Variants in ITSN1 observed in about 807,000 individuals in gnomAD.
The protein encoded by ITSN1 is intersectin 1, also known as intersectin-1.
ITSN1 carries 58 observed loss-of-function variants against 239.8 expected under a neutral mutation model. The ratio of observed to expected loss-of-function variants is 0.24; its 90% CI spans 0.20 to 0.30. ITSN1 has a LOEUF of 0.30. Ranked by LOEUF, ITSN1 falls within the 10% of genes least tolerant of loss-of-function variation. The probability of loss-of-function intolerance (pLI) is 1.00; values close to 1 mark genes in which losing one functional copy is unlikely to be tolerated. For synonymous variants in ITSN1, 780 were observed against 770.8 expected, an observed-to-expected ratio of 1.01 and a Z score of -0.20; for missense variants, 1,558 against 2,103.3, an observed-to-expected ratio of 0.74 and a Z score of 5.07.
Position 33,898,675 on chromosome 21 carries a change from G to C in ITSN1, c.*10375G>C, listed in dbSNP as rs926535425. On this transcript the variant is annotated 3_prime_UTR_variant, in exon 40 of 40. Coordinates refer to ENST00000381318, the MANE Select transcript of ITSN1 (RefSeq NM_003024.3). The stretch of plus-strand genomic sequence containing the variant: ...TGGTGATCTGAATGCATTGTGTTTG[G>C]GGGTGACACCGCTGGTGGAAGGTTG... 2 of 152,260 alleles carry C rather than the reference G, an allele frequency of 1.3e-5. No individual in the cohort carries two copies. Among genetic ancestry groups the C allele is most frequent in the African/African-American group, 4.8e-5 (2 of 41,468 alleles). The allele number at this position is 152,260 out of a possible 1,614,324, so 9.4% of individuals were successfully genotyped here.
chr21:33,796,427 A>G (rs2071566242), intron 17 of ITSN1, among the ~76,000 whole-genome samples: 1 of 152,260 alleles, frequency 6.6e-6, no homozygotes, highest in African/African-American at 2.4e-5. Context: ...TCACATTCAT[A>G]CAGAGTAGAA....
intron 29 of ITSN1, among the ~76,000 whole-genome samples, chr21:33,855,844 T>A (rs9305534): frequency 6.6e-6 from 1 of 152,108 alleles, no homozygotes; most frequent in Non-Finnish European, 1.5e-5. Flanking sequence ...AGGCAGCAGC[T>A]TTGTCCAGGA....
At chr21:33,666,539 A>C (rs975954818) in intron 1 of ITSN1, among the ~76,000 whole-genome samples, 2 of 152,228 alleles carry the variant, frequency 1.3e-5, no homozygotes, top group Non-Finnish European at 2.9e-5. Context: ...ACTTTCTTAA[A>C]CCATTTTATT....
chr21:33,784,565 T>C (rs778884123), intron 16 of ITSN1, among the ~76,000 whole-genome samples: 4 of 152,224 alleles, frequency 2.6e-5, no homozygotes, highest in African/African-American at 7.2e-5. Flanking sequence ...TGTTTTGTTA[T>C]TTAACACGCA....
In ITSN1 at chr21:33,898,726, T is replaced by C. The variant is rs1213308473; in HGVS notation, c.*10426T>C. On this transcript the variant is annotated 3_prime_UTR_variant, in exon 40 of 40. Transcript: ENST00000381318. Reference sequence around the variant, plus strand: ...AGGGCCTGTGGTCTGAAAAGACATCTGAAGAATGTGTTAGGTTTTCAACAT... The same window carrying C: ...AGGGCCTGTGGTCTGAAAAGACATCCGAAGAATGTGTTAGGTTTTCAACAT... 6.6e-6 allele frequency: 1 copy of C among 152,260 alleles called. No homozygotes were observed. The highest frequency in any genetic ancestry group is 1.5e-5 in the Non-Finnish European group (1 of 68,058). The allele number at this position is 152,260 out of a possible 1,614,324, so 9.4% of individuals were successfully genotyped here.
At chr21:33,733,846 C>T (rs1451300735) in intron 4 of ITSN1, among the ~76,000 whole-genome samples, 5 of 152,148 alleles carry the variant, frequency 3.3e-5, no homozygotes, top group Admixed American at 6.5e-5. Flanking sequence ...TTGTTTCCTG[C>T]GTTATGATCC....
At chr21:33,810,950 C>T (rs2072868347) in intron 20 of ITSN1, 25 bp from the exon 21 acceptor site, 1 of 1,614,002 alleles carries the variant, frequency 6.2e-7, no homozygotes, top group Non-Finnish European at 8.5e-7. Flanking sequence ...TTTAGTTCTA[C>T]TTAAAGCTGT....
At chr21:33,779,191 T>C (rs2069936955) in intron 14 of ITSN1, among the ~76,000 whole-genome samples, 1 of 152,052 alleles carries the variant, frequency 6.6e-6, no homozygotes, top group South Asian at 2.1e-4. Context: ...TTTGTTCTTT[T>C]TCTCTTGTTT....
chr21:33,830,230 T>A (rs2074216449), intron 27 of ITSN1, among the ~76,000 whole-genome samples: 1 of 152,208 alleles, frequency 6.6e-6, no homozygotes, highest in African/African-American at 2.4e-5. Context: ...CCATTCCAGA[T>A]ACTTCCTATA....
At chr21:33,816,604 C>T (rs1404693644) in intron 22 of ITSN1, among the ~76,000 whole-genome samples, 1 of 152,118 alleles carries the variant, frequency 6.6e-6, no homozygotes, top group Non-Finnish European at 1.5e-5. Flanking sequence ...AAAAGGTTGA[C>T]AAAGCAGACA....
At chr21:33,769,886 A>C (rs906943158) in intron 11 of ITSN1, among the ~76,000 whole-genome samples, 2 of 150,404 alleles carry the variant, frequency 1.3e-5, no homozygotes, top group Non-Finnish European at 1.5e-5. Context: ...GTAGAGACGG[A>C]GGTTTCACCA....
chr21:33,877,847 G>T (rs1411659312), intron 34 of ITSN1, among the ~76,000 whole-genome samples: 2 of 151,490 alleles, frequency 1.3e-5, no homozygotes, highest in African/African-American at 2.4e-5. Context: ...GTGTGTGTGT[G>T]TGTGTGTGTG....
intron 1 of ITSN1, among the ~76,000 whole-genome samples, chr21:33,690,774 TGTATATATATATATAC>T (rs2091476366): frequency 3.9e-5 from 1 of 25,488 alleles, no homozygotes; most frequent in Non-Finnish European, 6.5e-5. Context: ...AAAAAAAAAG[TGTATATATATATATAC>T]ATATATATAT....
intron 9 of ITSN1, 109 bp from the exon 10 acceptor site, chr21:33,765,766 C>T (rs2068677910): frequency 1.9e-6 from 2 of 1,077,178 alleles, no homozygotes; most frequent in Non-Finnish European, 2.8e-6. Context: ...GACAAAGAGA[C>T]TCAGTTGGCC....
intron 34 of ITSN1, among the ~76,000 whole-genome samples, chr21:33,878,302 G>A (rs947893697): frequency 1.3e-5 from 2 of 152,066 alleles, no homozygotes; most frequent in Non-Finnish European, 2.9e-5. Context: ...CAAAGTGCTG[G>A]GATTACAGGT....
At chr21:33,682,750 G>T (rs1385769516) in intron 1 of ITSN1, among the ~76,000 whole-genome samples, 1 of 151,892 alleles carries the variant, frequency 6.6e-6, no homozygotes, top group East Asian at 1.9e-4. Context: ...CTGATCTCCT[G>T]ACCTCAGGTG....
At chr21:33,715,066 A>T (rs186005947) in intron 1 of ITSN1, among the ~76,000 whole-genome samples, 2 of 152,292 alleles carry the variant, frequency 1.3e-5, no homozygotes, top group East Asian at 3.9e-4. Context: ...GAAGGAAACT[A>T]CATAAATATG....
chr21:33,770,952 G>T (rs994293290), intron 11 of ITSN1, among the ~76,000 whole-genome samples: 3 of 151,810 alleles, frequency 2.0e-5, no homozygotes, highest in Admixed American at 1.3e-4. Context: ...TTTTAGTAGA[G>T]ACTGGGTTTC....
chr21:33,739,868 T>C (rs2066737595), intron 5 of ITSN1, among the ~76,000 whole-genome samples: 1 of 152,340 alleles, frequency 6.6e-6, no homozygotes, highest in South Asian at 2.1e-4. Context: ...ATCTGTGTTA[T>C]CTGAAGACTG....
Sources: allele counts gnomAD v4.1 joint callset (sites outside exome capture counted in the v4.1 genomes callset), GRCh38; gene constraint gnomAD v4.1.1; transcripts MANE v1.5; gene names NCBI Gene and HGNC (gene_info 2026-07-23, HGNC 2026-07-21).